The following PARD3B variants were observed in gnomAD, a reference collection of about 807,000 sequenced individuals.
PARD3B encodes the protein par-3 family cell polarity regulator beta.
A neutral mutation model predicts 130.2 loss-of-function variants in PARD3B; 103 were observed. The ratio of observed to expected loss-of-function variants is 0.79; its 90% CI spans 0.67 to 0.93. PARD3B has a LOEUF of 0.93. Among genes scored for constraint, PARD3B ranks in the 40% least tolerant of loss-of-function variants. PARD3B has a pLI of 0.00. For missense variants in PARD3B, 1,609 were observed against 1,499.2 expected (o/e 1.07, Z -1.21); for synonymous variants, 583 against 553.2 (o/e 1.05, Z -0.76).
intron 21 of PARD3B, among the ~76,000 whole-genome samples, chr2:205,532,241 G>C (rs190329744): frequency 6.6e-5 from 10 of 152,144 alleles, no homozygotes; most frequent in Non-Finnish European, 1.3e-4. Flanking sequence ...TTCTGGTCAT[G>C]ATGAGTCATA....
intron 2 of PARD3B, among the ~76,000 whole-genome samples, chr2:204,796,988 A>G (rs898307749): frequency 6.6e-6 from 1 of 152,002 alleles, no homozygotes; most frequent in East Asian, 1.9e-4. Context: ...CAGCCTGGCC[A>G]ATATGGTGAA....
intron 4 of PARD3B, among the ~76,000 whole-genome samples, chr2:205,086,625 G>GT (rs529249198): frequency 2.9e-3 from 439 of 152,040 alleles, no homozygotes; most frequent in African/African-American, 8.3e-3. Flanking sequence ...TACTTTATAC[G>GT]TTTCATGACA....
chr2:205,608,146 A>G (rs1168071592), intron 22 of PARD3B, among the ~76,000 whole-genome samples: 1 of 152,154 alleles, frequency 6.6e-6, no homozygotes, highest in Non-Finnish European at 1.5e-5. Flanking sequence ...GGAACAGTAT[A>G]TTTTGCCCCT....
chr2:204,581,692 TC>T (rs1290502494), intron 1 of PARD3B, among the ~76,000 whole-genome samples: 1 of 152,096 alleles, frequency 6.6e-6, no homozygotes, highest in Non-Finnish European at 1.5e-5. Context: ...CTCAAAAAAC[TC>T]CATGAAATTG....
chr2:204,586,777 A>G (rs1481688791), intron 1 of PARD3B, among the ~76,000 whole-genome samples: 1 of 152,202 alleles, frequency 6.6e-6, no homozygotes, highest in Non-Finnish European at 1.5e-5. Flanking sequence ...GGGAGATCCT[A>G]TATTTTAACA....
intron 18 of PARD3B, among the ~76,000 whole-genome samples, chr2:205,381,050 T>TATATATAAAGAATATATA (rs1553499292): frequency 0.18 from 4,156 of 23,080 alleles, 769 homozygotes; most frequent in African/African-American, 0.41. Flanking sequence ...GAATATATAT[T>TATATATAAAGAATATATA]ATATATAAAG....
intron 2 of PARD3B, among the ~76,000 whole-genome samples, chr2:204,962,592 G>T (rs1053116802): frequency 6.6e-6 from 1 of 152,158 alleles, no homozygotes; most frequent in Non-Finnish European, 1.5e-5. Context: ...ATGAGTCTCT[G>T]TAACACTGTC....
chr2:204,829,455 A>C (rs1319392992), intron 2 of PARD3B, among the ~76,000 whole-genome samples: 1 of 152,150 alleles, frequency 6.6e-6, no homozygotes, highest in African/African-American at 2.4e-5. Flanking sequence ...CTCTTAGGAG[A>C]GAGGGCATTT....
At chr2:204,595,728 A>C (rs116635012) in intron 1 of PARD3B, among the ~76,000 whole-genome samples, 2,443 of 152,368 alleles carry the variant, frequency 0.016, 34 homozygotes, top group Middle Eastern at 0.075. Context: ...GTAAAGCTGC[A>C]TGTATAAAAT....
intron 4 of PARD3B, among the ~76,000 whole-genome samples, chr2:205,083,208 T>C (rs1701535254): frequency 6.6e-6 from 1 of 152,100 alleles, no homozygotes; most frequent in Non-Finnish European, 1.5e-5. Flanking sequence ...CGTGAGCTAC[T>C]GTGCCCAGCC....
At chr2:205,074,184 T>A (rs1700902126) in intron 4 of PARD3B, among the ~76,000 whole-genome samples, 1 of 152,226 alleles carries the variant, frequency 6.6e-6, no homozygotes, top group South Asian at 2.1e-4. Flanking sequence ...AATGCTTGAT[T>A]CATATAGCAC....
chr2:205,115,382 A>G (rs1268981812), intron 6 of PARD3B, among the ~76,000 whole-genome samples: 1 of 152,146 alleles, frequency 6.6e-6, no homozygotes, highest in Non-Finnish European at 1.5e-5. Flanking sequence ...CCTACTTTAC[A>G]TCAAGGTTAT....
chr2:205,372,789 G>A (rs2044873682), intron 18 of PARD3B, among the ~76,000 whole-genome samples: 1 of 152,138 alleles, frequency 6.6e-6, no homozygotes, highest in South Asian at 2.1e-4. Flanking sequence ...AGAGCAGCCT[G>A]GGAAACATAG....
At chr2:204,628,947 A>G (rs1455309766) in intron 1 of PARD3B, among the ~76,000 whole-genome samples, 1 of 152,194 alleles carries the variant, frequency 6.6e-6, no homozygotes, top group Non-Finnish European at 1.5e-5. Flanking sequence ...TGTAGAATAT[A>G]TATGGTAAAG....
intron 2 of PARD3B, among the ~76,000 whole-genome samples, chr2:204,885,716 A>G (rs2046248605): frequency 6.6e-6 from 1 of 152,224 alleles, no homozygotes; most frequent in African/African-American, 2.4e-5. Context: ...GTTATTATAC[A>G]GAATATATTT....
chr2:205,439,256 C>T (rs2047629129), intron 19 of PARD3B, among the ~76,000 whole-genome samples: 1 of 152,140 alleles, frequency 6.6e-6, no homozygotes, highest in Non-Finnish European at 1.5e-5. Context: ...TTCTAGCCCA[C>T]AGCCCTCTTA....
At chr2:205,343,993 G>A (rs10804147) in intron 18 of PARD3B, among the ~76,000 whole-genome samples, 90,321 of 151,936 alleles carry the variant, frequency 0.59, 30,552 homozygotes, top group South Asian at 0.77. Flanking sequence ...GAAGAGTATC[G>A]TCAACAGCAA....
intron 21 of PARD3B, among the ~76,000 whole-genome samples, chr2:205,506,129 T>C (rs557571108): frequency 1.1e-3 from 165 of 152,188 alleles, no homozygotes; most frequent in Admixed American, 2.5e-3. Flanking sequence ...GGTCAAGAGA[T>C]TGAGACTAAC....
chr2:204,758,695 T>G (rs1233137037), intron 2 of PARD3B, among the ~76,000 whole-genome samples: 1 of 152,162 alleles, frequency 6.6e-6, no homozygotes, highest in Non-Finnish European at 1.5e-5. Flanking sequence ...GAGATTGACT[T>G]GAAGGAGGAC....
Sources: allele counts gnomAD v4.1 joint callset (sites outside exome capture counted in the v4.1 genomes callset), GRCh38; gene constraint gnomAD v4.1.1; transcripts MANE v1.5; gene names NCBI Gene and HGNC (gene_info 2026-07-23, HGNC 2026-07-21).